Variants in MAP4K1 observed in about 807,000 individuals in gnomAD.
MAP4K1 encodes mitogen-activated protein kinase kinase kinase kinase 1, also known as MAPK/ERK kinase kinase kinase 1.
Under a neutral mutation model 122.8 loss-of-function variants are expected in MAP4K1, and 35 were observed. That is an observed-to-expected ratio of 0.29 (90% CI 0.22 to 0.38). MAP4K1 has a LOEUF of 0.38. Ranked by LOEUF, MAP4K1 falls within the 10% of genes least tolerant of loss-of-function variation. The pLI is 1.00. For missense variants in MAP4K1, 791 were observed against 1,072.6 expected, an observed-to-expected ratio of 0.74 and a Z score of 3.67; for synonymous variants, 412 against 421.3, an observed-to-expected ratio of 0.98 and a Z score of 0.27.
At chr19:38,589,603 C>T (rs1599683528) in intron 30 of MAP4K1, among the ~76,000 whole-genome samples, 1 of 152,026 alleles carries the variant, frequency 6.6e-6, no homozygotes, top group South Asian at 2.1e-4. Flanking sequence ...TTAGTAGAGA[C>T]AGGGTTTCTC....
chr19:38,593,101 AAGAG>A (rs563939032), intron 30 of MAP4K1, among the ~76,000 whole-genome samples, 177 bp downstream of exon 30: 194 of 152,112 alleles, frequency 1.3e-3, no homozygotes, highest in African/African-American at 4.4e-3. Context: ...ACAAAACAAA[AAGAG>A]AGAACGCCCC....
Position 38,596,417 on chromosome 19 carries a change from G to A in MAP4K1, c.2011C>T (p.Pro671Ser). The change falls in exon 26 of 31, where the codon CCC becomes TCC. Residue 671 changes from proline (P) to serine (S), a missense_variant. Pro to Ser is a moderately conservative substitution (Grantham distance 74, BLOSUM62 -1). Transcript: ENST00000396857. ...ALLTGPGSEL[P>S]AVCIGVSPGR... is the part of the protein sequence containing the mutation. ...GGGCTCACGCCGATGCACACAGCGG[G>A]CAGCTCAGAGCCTGGCCCGGTCAGC... is the stretch of plus-strand genomic sequence containing the variant. The A allele has an allele frequency of 6.3e-7, 1 of 1,593,384 alleles. No homozygotes were observed. Among genetic ancestry groups the A allele is most frequent in the Non-Finnish European group, 8.5e-7 (1 of 1,174,244 alleles).
Position 38,617,256 on chromosome 19 carries a change from GA to G in MAP4K1, c.248+97del. On this transcript the variant is annotated intron_variant, in intron 3 of 30. Coordinates refer to ENST00000396857, the MANE Select transcript of MAP4K1 (RefSeq NM_001042600.3). This position sits in a 1 kb window ranked among gnomAD's most constrained non-coding sequence, Gnocchi z 4.1. ...AAGACTCCATCTCAAAAAAGAAAAA[GA>G]AAAGAAAAAAAAAGAACTGAGGGTA... 1 of 842,590 alleles carries G rather than the reference GA, an allele frequency of 1.2e-6. No homozygotes were observed. Among genetic ancestry groups the G allele is most frequent in the African/African-American group, 1.7e-5 (1 of 58,702 alleles). 52.2% of individuals were successfully genotyped at this position (842,590 alleles called of 1,614,324 possible).
At chr19:38,595,205 C>T (rs1267940770) in intron 29 of MAP4K1, among the ~76,000 whole-genome samples, 3 of 149,960 alleles carry the variant, frequency 2.0e-5, no homozygotes, top group African/African-American at 7.4e-5. Flanking sequence ...AGGAGAATCG[C>T]GTGAACCCGG....
At chr19:38,600,798 C>CCT (rs1975036338) in intron 20 of MAP4K1, among the ~76,000 whole-genome samples, 1 of 140,208 alleles carries the variant, frequency 7.1e-6, no homozygotes, top group Non-Finnish European at 1.5e-5. Context: ...TCCCTCTACC[C>CCT]ATTTTTTTTT....
chr19:38,598,162 C>T (rs1343190251), intron 22 of MAP4K1, among the ~76,000 whole-genome samples: 1 of 151,850 alleles, frequency 6.6e-6, no homozygotes, highest in Non-Finnish European at 1.5e-5. Context: ...TCCCAAGTAG[C>T]TGGGAGTAGA....
chr19:38,593,931 A>G (rs1191810260), intron 29 of MAP4K1, among the ~76,000 whole-genome samples: 3 of 152,140 alleles, frequency 2.0e-5, no homozygotes, highest in Admixed American at 6.6e-5. Flanking sequence ...TAAAAATACT[A>G]AAGTGTAAGG....
At position 38,609,906 on chromosome 19, in the gene MAP4K1, C is replaced by G. The variant is rs1390330925; in HGVS notation, c.927+3G>C. ...CAGTGCTCTTGTCAGCCAAGGCTCT[C>G]ACCTCGGGCTCCTCATCCTCAATGT... On this transcript the variant is annotated splice_donor_region_variant and intron_variant, in intron 12 of 30. Transcript: ENST00000396857. 6.2e-7 allele frequency: 1 copy of G among 1,612,374 alleles called. No homozygotes were observed. The highest frequency in any genetic ancestry group is 2.2e-5 in the East Asian group (1 of 44,878).
Position 38,610,042 on chromosome 19 carries a change from G to T in MAP4K1, c.811-17C>A. ...CAGTTGATGCTGGCGGAGGGAAGAG[G>T]TGTCCGTATCCAGAGGGATGGTGTG... On this transcript the variant is annotated splice_polypyrimidine_tract_variant and intron_variant, in intron 11 of 30. Coordinates refer to ENST00000396857, the MANE Select transcript of MAP4K1 (RefSeq NM_001042600.3). 6.4e-7 allele frequency: 1 copy of T among 1,566,804 alleles called. No homozygotes were observed. The highest frequency in any genetic ancestry group is 2.2e-5 in the East Asian group (1 of 44,668).
chr19:38,611,111 G>T lies in MAP4K1; in HGVS notation c.750C>A (p.Phe250Leu). The T allele has an allele frequency of 6.2e-7, 1 of 1,613,576 alleles. No homozygotes were observed. The highest frequency in any genetic ancestry group is 8.5e-7 in the Non-Finnish European group (1 of 1,179,806). ...GACTCTTAGTCAGAGTGACTTTGAT[G>T]AAGTTGTGGAAGGCAGCCGACCTTG... The part of the protein sequence containing the change: ...KGKWSAAFHN[F>L]IKVTLTKSPK... The change falls in exon 11 of 31, where the codon TTC becomes TTA. Residue 250 changes from phenylalanine to leucine, a missense_variant. By Grantham distance (22) the Phe-to-Leu change is conservative (BLOSUM62 0). Transcript: ENST00000396857.
intron 9 of MAP4K1, among the ~76,000 whole-genome samples, chr19:38,612,256 C>T (rs903677478): frequency 6.6e-6 from 1 of 151,220 alleles, no homozygotes; most frequent in African/African-American, 2.4e-5. Context: ...CCCGTCTCTA[C>T]TAAAAATACA....
rs960691835 is a variant in MAP4K1, at chr19:38,617,298, G to C, written c.248+56C>G. 1 of 1,185,942 alleles carries C rather than the reference G, an allele frequency of 8.4e-7. No individual in the cohort carries two copies. The highest frequency in any genetic ancestry group is 1.3e-6 in the Non-Finnish European group (1 of 790,908). The allele number at this position is 1,185,942 out of a possible 1,614,324, so 73.5% of individuals were successfully genotyped here. ...ACTGAGGGTACCCCCATCAAGAAAT[G>C]GGGACTCCGGGTTAGGGGCTGGGCT... On this transcript the variant is annotated intron_variant, in intron 3 of 30. Coordinates refer to ENST00000396857, the MANE Select transcript of MAP4K1 (RefSeq NM_001042600.3). The surrounding 1 kb of genome is among the most constrained non-coding windows in gnomAD (Gnocchi z 4.1).
intron 22 of MAP4K1, 58 bp downstream of exon 22, chr19:38,599,867 C>A: frequency 6.5e-7 from 1 of 1,546,414 alleles, no homozygotes; most frequent in East Asian, 2.2e-5. Context: ...TTCCCAGCCC[C>A]CGAACCCTTG....
chr19:38,605,342 T>TCCCCC, intron 19 of MAP4K1, 67 bp downstream of exon 19: 2 of 651,960 alleles, frequency 3.1e-6, no homozygotes, highest in Non-Finnish European at 5.5e-6. Context: ...TGCCACCCCC[T>TCCCCC]CCCCACCCCA....
chr19:38,599,365 A>T (rs1305591634), intron 22 of MAP4K1, among the ~76,000 whole-genome samples: 1 of 147,394 alleles, frequency 6.8e-6, no homozygotes, highest in East Asian at 2.0e-4. Flanking sequence ...AAAAAAAAAA[A>T]AAAGGCTAAT....
At chr19:38,602,784 A>T (rs1975135949) in intron 19 of MAP4K1, among the ~76,000 whole-genome samples, 1 of 145,056 alleles carries the variant, frequency 6.9e-6, no homozygotes, top group Non-Finnish European at 1.5e-5. Flanking sequence ...ATACACATAT[A>T]CATATATACA....
chr19:38,607,689 TAGGTAGCTGGGCAG>T (rs745839926), intron 16 of MAP4K1, among the ~76,000 whole-genome samples, 161 bp downstream of exon 16: 2 of 151,142 alleles, frequency 1.3e-5, no homozygotes, highest in Admixed American at 6.6e-5. Flanking sequence ...GAACAGGGCC[TAGGTAGCTGGGCAG>T]AGGGGCTGCA....
At position 38,588,506 on chromosome 19, in the gene MAP4K1, T is replaced by C. The variant is rs567926943; in HGVS notation, c.2397-689A>G. 6.7e-3 allele frequency among the ~76,000 whole-genome samples: 1,024 copies of C among 151,884 alleles called. 5 individuals are homozygous for C. The highest frequency in any genetic ancestry group is 9.3e-3 in the Non-Finnish European group (632 of 67,950). On this transcript the variant is annotated intron_variant, in intron 30 of 30. Coordinates refer to ENST00000396857, the MANE Select transcript of MAP4K1 (RefSeq NM_001042600.3). ...AGGAGTTCAAGACCAGCCTGGCCAATATGGTGAATCCCATCTCTACTAAAA... is the reference window on the plus strand; with the variant it reads ...AGGAGTTCAAGACCAGCCTGGCCAACATGGTGAATCCCATCTCTACTAAAA...
rs1568625204 is a variant in MAP4K1, at chr19:38,597,239, T to C, written c.1837+87A>G. 8.8e-6 allele frequency: 14 copies of C among 1,599,840 alleles called. No individual in the cohort carries two copies. The South Asian group carries it at 1.1e-4, about 13-fold the overall frequency. Reference sequence around the variant, plus strand: ...GGTTCTGGACACATTGCCTTAACTCTGTAACCTTCTCAGGTGGATGCAGTT... The same window carrying C: ...GGTTCTGGACACATTGCCTTAACTCCGTAACCTTCTCAGGTGGATGCAGTT... On this transcript the variant is annotated intron_variant, in intron 24 of 30. Transcript: ENST00000396857. The surrounding 1 kb of genome is among the most constrained non-coding windows in gnomAD (Gnocchi z 4.6).
Sources: allele counts gnomAD v4.1 joint callset (sites outside exome capture counted in the v4.1 genomes callset), GRCh38; gene constraint gnomAD v4.1.1; non-coding constraint Gnocchi (gnomAD v3.1); transcripts MANE v1.5; gene names NCBI Gene and HGNC (gene_info 2026-07-23, HGNC 2026-07-21).